Variants in TSHZ3 observed in about 807,000 individuals in gnomAD.
TSHZ3 encodes teashirt zinc finger homeobox 3.
TSHZ3 carries 10 observed loss-of-function variants against 64.5 expected under a neutral mutation model. The observed-to-expected ratio is 0.16, with a 90% CI of 0.10 to 0.26. The LOEUF (loss-of-function observed/expected upper bound fraction) is 0.26. Ranked by LOEUF, TSHZ3 falls within the 10% of genes least tolerant of loss-of-function variation. TSHZ3 has a pLI of 1.00. For synonymous variants in TSHZ3, 608 were observed against 593.1 expected, an observed-to-expected ratio of 1.03 and a Z score of -0.36; for missense variants, 1,242 against 1,421.7, an observed-to-expected ratio of 0.87 and a Z score of 2.03.
At chr19:31,242,231 G>A (rs1975700605) in intron 3 of TSHZ3, among the ~76,000 whole-genome samples, 1 of 152,180 alleles carries the variant, frequency 6.6e-6, no homozygotes, top group Admixed American at 6.5e-5. Flanking sequence ...TGCATAGATA[G>A]ATAAGTGAGA....
Position 31,161,079 on chromosome 19 carries a change from G to A in TSHZ3, n.810-4662C>T, listed in dbSNP as rs146044868. Among the ~76,000 whole-genome samples, 488 of 152,124 alleles carry A rather than the reference G, an allele frequency of 3.2e-3. 3 individuals carry two copies. Among genetic ancestry groups the A allele is most frequent in the African/African-American group, 0.011 (462 of 41,500 alleles). The stretch of plus-strand genomic sequence containing the variant: ...TTAACATTCATTTATATATCTTTGC[G>A]TGCGTGTGTATGTGTGTGTGTATCT... On this transcript the variant is annotated intron_variant and non_coding_transcript_variant, in intron 5 of 6. Transcript: ENST00000651361.
In TSHZ3 at chr19:31,339,807, G is replaced by C. The variant is rs566780834; in HGVS notation, c.40+9373C>G. ...CCCATGGCAAAAAGGAAAAAAAAAA[G>C]GGGGGGGCGTTCTGCTGCTGATACC... On this transcript the variant is annotated intron_variant, in intron 1 of 1. Coordinates refer to ENST00000240587, the MANE Select transcript of TSHZ3 (RefSeq NM_020856.4). 1.9e-4 allele frequency among the ~76,000 whole-genome samples: 26 copies of C among 134,046 alleles called. 1 individual carries two copies. In the South Asian group the frequency reaches 5.2e-3, roughly 27 times the overall value. The allele number at this position is 134,046 out of a possible 152,430, so 87.9% of individuals were successfully genotyped here.
At chr19:31,202,211 A>T (rs1041658773) in intron 5 of TSHZ3, among the ~76,000 whole-genome samples, 6 of 152,096 alleles carry the variant, frequency 3.9e-5, no homozygotes, top group Admixed American at 3.9e-4. Context: ...TTAGAGAAAA[A>T]GATAAGCTAA....
At chr19:31,166,639 G>C (rs1372949820) in intron 5 of TSHZ3, among the ~76,000 whole-genome samples, 1 of 152,148 alleles carries the variant, frequency 6.6e-6, no homozygotes, top group Non-Finnish European at 1.5e-5. Flanking sequence ...ATCATATTAG[G>C]CTTTGGGTTC....
intron 1 of TSHZ3, among the ~76,000 whole-genome samples, chr19:31,292,664 CATCCATCCATTGAAAGACTTATTCATCT>C (rs1430623035): frequency 1.1e-4 from 16 of 152,214 alleles, no homozygotes; most frequent in African/African-American, 3.9e-4. Flanking sequence ...CCCATCCATC[CATCCATCCATTGAAAGACTTATTCATCT>C]ATCCATCCAA....
intron 3 of TSHZ3, among the ~76,000 whole-genome samples, chr19:31,234,972 A>T (rs1441352727): frequency 2.0e-5 from 3 of 152,052 alleles, no homozygotes; most frequent in African/African-American, 7.2e-5. Context: ...TCATTGGTGA[A>T]CTCATCACAA....
At chr19:31,232,080 A>C (rs1975547840) in intron 3 of TSHZ3, among the ~76,000 whole-genome samples, 1 of 152,100 alleles carries the variant, frequency 6.6e-6, no homozygotes, top group South Asian at 2.1e-4. Context: ...CCTTATTCCA[A>C]GGGAGCCAAA....
chr19:31,154,643 T>A (rs1006994149), intron 6 of TSHZ3, among the ~76,000 whole-genome samples: 4 of 152,190 alleles, frequency 2.6e-5, no homozygotes, highest in African/African-American at 7.2e-5. Context: ...ATCTCACAGA[T>A]TGAATCTCAG....
Position 31,278,848 on chromosome 19 carries a change from T to C in TSHZ3, c.945A>G (p.Lys315=). The C allele has an allele frequency of 6.2e-7, 1 of 1,614,012 alleles. No individual in the cohort carries two copies. Among genetic ancestry groups the C allele is most frequent in the Non-Finnish European group, 8.5e-7 (1 of 1,180,004 alleles). The change falls in exon 2 of 2, where the codon AAA becomes AAG. Residue 315 remains lysine (K), a synonymous_variant. Coordinates refer to ENST00000240587, the MANE Select transcript of TSHZ3 (RefSeq NM_020856.4). This position sits in a 1 kb window ranked among gnomAD's most constrained non-coding sequence, Gnocchi z 4.7. ...CTTTCTTCCGAGTGGCAGGGATGAT[T>C]TTGGCGGCGACAGGAGTGACGGGTT... The part of the protein sequence containing the change: ...LKEPVTPVAA[K]IIPATRKKAS...
At chr19:31,268,503 G>A (rs371284531) in intron 1 of TSHZ3, among the ~76,000 whole-genome samples, 2 of 152,192 alleles carry the variant, frequency 1.3e-5, no homozygotes, top group East Asian at 1.9e-4. Flanking sequence ...TGTTTCTAAA[G>A]CTTCTGAAAA....
intron 1 of TSHZ3, among the ~76,000 whole-genome samples, chr19:31,324,502 C>G (rs1916875760): frequency 6.6e-6 from 1 of 152,248 alleles, no homozygotes; most frequent in African/African-American, 2.4e-5. Flanking sequence ...ATTGAGACAG[C>G]TTTCCTTCAA....
chr19:31,228,068 G>A (rs965332466), exon 4 of TSHZ3, among the ~76,000 whole-genome samples: 7 of 152,088 alleles, frequency 4.6e-5, no homozygotes, highest in East Asian at 1.9e-4. Flanking sequence ...AACATTCTCC[G>A]TGGAACATCT....
chr19:31,349,005 C>CGGGGGGCGCCCGGTACCCGA (rs2021610224), intron 1 of TSHZ3, 175 bp downstream of exon 1: 5 of 770,752 alleles, frequency 6.5e-6, no homozygotes, highest in African/African-American at 1.9e-5. Context: ...GCGGGGCGTC[C>CGGGGGGCGCCCGGTACCCGA]GGGGGGCGCC....
intron 1 of TSHZ3, among the ~76,000 whole-genome samples, chr19:31,312,410 C>G (rs1401416272): frequency 6.6e-6 from 1 of 152,200 alleles, no homozygotes; most frequent in Non-Finnish European, 1.5e-5. Context: ...CATCACACTT[C>G]CGATGGGGTA....
chr19:31,267,873 G>C (rs1233511153), intron 1 of TSHZ3, among the ~76,000 whole-genome samples: 1 of 152,182 alleles, frequency 6.6e-6, no homozygotes, highest in South Asian at 2.1e-4. Context: ...AGAGCAGAGT[G>C]AAGGTTGGGG....
intron 1 of TSHZ3, among the ~76,000 whole-genome samples, chr19:31,297,157 G>A (rs902610638): frequency 2.0e-5 from 3 of 152,246 alleles, no homozygotes; most frequent in Non-Finnish European, 2.9e-5. Context: ...TTCCTTTCAG[G>A]TTCAGGCTTG....
At chr19:31,207,603 A>G (rs1295737887) in intron 4 of TSHZ3, 1 of 152,194 alleles carries the variant, frequency 6.6e-6, no homozygotes, top group Admixed American at 6.5e-5. Context: ...GAGAGAACTA[A>G]CATGTCTAAT....
At chr19:31,169,986 T>C (rs1215968630) in intron 5 of TSHZ3, among the ~76,000 whole-genome samples, 1 of 152,176 alleles carries the variant, frequency 6.6e-6, no homozygotes, top group Non-Finnish European at 1.5e-5. Context: ...GTTTTTCATC[T>C]GCACTGCTAA....
At chr19:31,181,546 C>T (rs928220099) in intron 5 of TSHZ3, among the ~76,000 whole-genome samples, 1 of 152,064 alleles carries the variant, frequency 6.6e-6, no homozygotes, top group African/African-American at 2.4e-5. Flanking sequence ...AGAACGGAGA[C>T]AGTGGGGCAT....
Sources: gnomAD v4.1 joint callset for allele counts (sites outside exome capture counted in the v4.1 genomes callset) on GRCh38, gnomAD v4.1.1 for gene constraint, Gnocchi (gnomAD v3.1) non-coding constraint, MANE v1.5 for transcripts, NCBI Gene and HGNC (gene_info 2026-07-23, HGNC 2026-07-21) for gene names.